Variants in EBAG9 observed in about 807,000 individuals in gnomAD.
EBAG9 encodes the protein receptor-binding cancer antigen expressed on SiSo cells.
Under a neutral mutation model 30.9 loss-of-function variants are expected in EBAG9, and 16 were observed. The observed-to-expected ratio is 0.52, with a 90% CI of 0.35 to 0.79. The LOEUF (loss-of-function observed/expected upper bound fraction) is 0.79. Ranked by LOEUF, EBAG9 falls within the 30% of genes least tolerant of loss-of-function variation. The pLI, the probability that EBAG9 is intolerant of heterozygous loss-of-function variation, is 0.01. For synonymous variants in EBAG9, 93 were observed against 82.8 expected (o/e 1.12, Z -0.67); for missense variants, 197 against 242.1 (o/e 0.81, Z 1.24).
chr8:109,543,135 C>CTTTTTTTTTTTTTTTTTTTTT (rs557388998), intron 1 of EBAG9, among the ~76,000 whole-genome samples: 1 of 52,860 alleles, frequency 1.9e-5, no homozygotes, highest in African/African-American at 4.0e-5. Flanking sequence ...TATTCTGGTT[C>CTTTTTTTTTTTTTTTTTTTTT]TTTTTTTTTT....
intron 1 of EBAG9, chr8:109,540,690 C>G (rs1338992322): frequency 1.3e-5 from 2 of 152,172 alleles, no homozygotes; most frequent in Non-Finnish European, 2.9e-5. Flanking sequence ...CCTTCTCTTA[C>G]GGGCCGCTGC....
intron 1 of EBAG9, among the ~76,000 whole-genome samples, chr8:109,542,717 A>G (rs1821300710): frequency 6.6e-6 from 1 of 152,222 alleles, no homozygotes; most frequent in Admixed American, 6.5e-5. Context: ...CATTCTACTC[A>G]TAATGAAGCA....
intron 1 of EBAG9, among the ~76,000 whole-genome samples, chr8:109,541,009 G>C (rs1821263041): frequency 6.6e-6 from 1 of 151,956 alleles, no homozygotes; most frequent in Non-Finnish European, 1.5e-5. Flanking sequence ...TAATACATTT[G>C]ATCTATCAGT....
intron 5 of EBAG9, among the ~76,000 whole-genome samples, chr8:109,560,069 A>G (rs1027421430): frequency 6.6e-6 from 1 of 152,222 alleles, no homozygotes; most frequent in Non-Finnish European, 1.5e-5. Flanking sequence ...ACAATATGAT[A>G]TTAAATAAAT....
At chr8:109,561,013 T>C in intron 6 of EBAG9, 84 bp downstream of exon 6, 1 of 1,148,222 alleles carries the variant, frequency 8.7e-7, no homozygotes, top group Non-Finnish European at 1.2e-6. Context: ...GGAGCCTATT[T>C]TGCCAAATAT....
chr8:109,552,326 GA>G (rs2131114476), intron 2 of EBAG9, among the ~76,000 whole-genome samples: 2 of 151,892 alleles, frequency 1.3e-5, no homozygotes, highest in Admixed American at 1.3e-4. Flanking sequence ...ATCTCTGGAT[GA>G]TCACTGGGGC....
At chr8:109,559,193 A>C (rs1480676884) in intron 5 of EBAG9, among the ~76,000 whole-genome samples, 1 of 152,194 alleles carries the variant, frequency 6.6e-6, no homozygotes, top group Non-Finnish European at 1.5e-5. Flanking sequence ...GAGGTGTTAC[A>C]TGCCTGTAAT....
chr8:109,541,673 T>A (rs1258514351), intron 1 of EBAG9, among the ~76,000 whole-genome samples: 1 of 152,192 alleles, frequency 6.6e-6, no homozygotes, highest in Non-Finnish European at 1.5e-5. Flanking sequence ...CTTGCATTCC[T>A]CAGGGATAAG....
At chr8:109,553,697 T>C (rs1268120408) in intron 2 of EBAG9, among the ~76,000 whole-genome samples, 168 bp from the exon 3 acceptor site, 1 of 152,152 alleles carries the variant, frequency 6.6e-6, no homozygotes, top group Non-Finnish European at 1.5e-5. Context: ...GGATGTCTGA[T>C]TTATGACTTT....
At chr8:109,546,845 G>A (rs545792947) in intron 1 of EBAG9, among the ~76,000 whole-genome samples, 3 of 152,216 alleles carry the variant, frequency 2.0e-5, no homozygotes, top group East Asian at 1.9e-4. Flanking sequence ...ATATAGTCAT[G>A]CTATTACTTG....
At chr8:109,557,793 C>T in intron 5 of EBAG9, 1 of 435,496 alleles carries the variant, frequency 2.3e-6, no homozygotes, top group South Asian at 1.6e-5. Context: ...GGATTCATTT[C>T]AAAGACAGCT....
At chr8:109,563,103 T>C (rs962996323) in intron 6 of EBAG9, among the ~76,000 whole-genome samples, 2 of 152,154 alleles carry the variant, frequency 1.3e-5, no homozygotes, top group African/African-American at 4.8e-5. Context: ...AAACAGATTT[T>C]TTAAAACTAT....
intron 4 of EBAG9, among the ~76,000 whole-genome samples, chr8:109,556,069 C>G (rs1418899316): frequency 6.6e-6 from 1 of 152,028 alleles, no homozygotes; most frequent in African/African-American, 2.4e-5. Context: ...CTACCATTCC[C>G]TCTCCTTTAT....
Position 109,563,508 on chromosome 8 carries a change from G to A in EBAG9, c.522-931G>A, listed in dbSNP as rs754665252. ...AGATAGAGAGAGTGAGTCTGGGTCA[G>A]TGGAGTTACGGAAAGAGTAAGGAAC... On this transcript the variant is annotated intron_variant, in intron 6 of 6. Transcript: ENST00000337573. The A allele has an allele frequency of 8.8e-6, 14 of 1,596,918 alleles. No individual in the cohort carries two copies. In the African/African-American group the frequency reaches 1.1e-4, roughly 12 times the overall value.
chr8:109,557,574 TTTGATTGA>T (rs1237701001), intron 5 of EBAG9, among the ~76,000 whole-genome samples: 3 of 148,286 alleles, frequency 2.0e-5, no homozygotes, highest in African/African-American at 7.9e-5. Flanking sequence ...TTAAGCATGC[TTTGATTGA>T]TTGATTATAT....
intron 1 of EBAG9, among the ~76,000 whole-genome samples, chr8:109,545,304 A>C (rs1298283051): frequency 7.2e-6 from 1 of 139,216 alleles, no homozygotes; most frequent in East Asian, 2.3e-4. Flanking sequence ...CCTGGGCAAC[A>C]GAGCGAGACT....
intron 1 of EBAG9, among the ~76,000 whole-genome samples, chr8:109,545,858 C>G (rs1338055358): frequency 6.6e-6 from 1 of 152,178 alleles, no homozygotes; most frequent in Admixed American, 6.5e-5. Context: ...CTTATCAGTT[C>G]TGTATCTTTG....
rs371848275 is a variant in EBAG9 at position 109,545,581 on chromosome 8, T to G, written c.-16+5120T>G. ...GATTTCACCATATTGGCCAGGCTGG[T>G]CTCGAACTCCTGACCTCGTGATCTG... On this transcript the variant is annotated intron_variant, in intron 1 of 6. Transcript: ENST00000337573. Among the ~76,000 whole-genome samples the G allele has an allele frequency of 3.7e-3, 569 of 152,062 alleles. 2 individuals are homozygous for G. The highest frequency in any genetic ancestry group is 0.013 in the African/African-American group (538 of 41,494).
At chr8:109,563,275 A>T in intron 6 of EBAG9, 1 of 1,058,628 alleles carries the variant, frequency 9.4e-7, no homozygotes, top group Non-Finnish European at 1.4e-6. Flanking sequence ...AGACATAGAT[A>T]ATCCACTTTG....
Sources: allele counts gnomAD v4.1 joint callset (sites outside exome capture counted in the v4.1 genomes callset), GRCh38; gene constraint gnomAD v4.1.1; transcripts MANE v1.5; gene names NCBI Gene and HGNC (gene_info 2026-07-23, HGNC 2026-07-21).